MMD2: variants seen among roughly 807,000 people sequenced by gnomAD.
MMD2 encodes the protein monocyte to macrophage differentiation associated 2.
In MMD2, 30 loss-of-function variants were observed where a neutral mutation model predicts 33.5. The ratio of observed to expected loss-of-function variants is 0.90; its 90% CI spans 0.67 to 1.22. The LOEUF (loss-of-function observed/expected upper bound fraction) is 1.22. MMD2 is among the 50% of genes most tolerant of loss of function. The probability of loss-of-function intolerance (pLI) is 0.00; values close to 1 mark genes in which losing one functional copy is unlikely to be tolerated. For synonymous variants in MMD2, 129 were observed against 123.0 expected (o/e 1.05, Z -0.32); for missense variants, 364 against 325.4 (o/e 1.12, Z -0.91).
intron 1 of MMD2, among the ~76,000 whole-genome samples, chr7:4,944,760 C>CTTTTTTTTT (rs142716643): frequency 1.2e-3 from 91 of 75,304 alleles, no homozygotes; most frequent in Non-Finnish European, 1.5e-3. Flanking sequence ...TCTTCTTCTT[C>CTTTTTTTTT]TTTTTTTTTT....
At chr7:4,930,955 A>ATTCGC (rs1785569746) in intron 1 of MMD2, among the ~76,000 whole-genome samples, 1 of 151,876 alleles carries the variant, frequency 6.6e-6, no homozygotes, top group East Asian at 1.9e-4. Context: ...GGTTCAAGTG[A>ATTCGC]CTCGCCTGCC....
rs767763809 is a variant in MMD2 at position 4,909,798 on chromosome 7, G to C, written c.537+83C>G. 3.3e-6 allele frequency: 5 copies of C among 1,535,580 alleles called. No homozygotes were observed. In the East Asian group the frequency reaches 7.3e-5, roughly 23 times the overall value. The stretch of plus-strand genomic sequence containing the variant: ...CCCCGCCTGCCAAAGGAGAGGGTTT[G>C]TGACAATCTCAACAGCCAGGTCCAG... On this transcript the variant is annotated intron_variant, in intron 6 of 6. Transcript: ENST00000401401.
intron 1 of MMD2, among the ~76,000 whole-genome samples, chr7:4,935,173 G>A (rs377366662): frequency 1.3e-5 from 2 of 151,578 alleles, no homozygotes; most frequent in Non-Finnish European, 2.9e-5. Flanking sequence ...GAGACAGAGC[G>A]AGACTCTGCC....
chr7:4,926,150 T>C (rs1284444716), intron 1 of MMD2, among the ~76,000 whole-genome samples: 1 of 151,130 alleles, frequency 6.6e-6, no homozygotes, highest in Non-Finnish European at 1.5e-5. Context: ...CAGGCTGGAG[T>C]GCAGTGGTGC....
intron 1 of MMD2, among the ~76,000 whole-genome samples, chr7:4,928,005 G>A (rs1276817118): frequency 6.6e-6 from 1 of 152,168 alleles, no homozygotes; most frequent in African/African-American, 2.4e-5. Flanking sequence ...GCTGGGCAGG[G>A]AAGAGGCATC....
chr7:4,932,943 C>T (rs1034393599), intron 1 of MMD2, among the ~76,000 whole-genome samples: 8 of 151,832 alleles, frequency 5.3e-5, no homozygotes, highest in African/African-American at 1.9e-4. Flanking sequence ...TTGCCTTTTC[C>T]AAAATGTCAC....
chr7:4,909,777 G>C, intron 6 of MMD2, 104 bp downstream of exon 6: 1 of 1,482,734 alleles, frequency 6.7e-7, no homozygotes, highest in Admixed American at 2.0e-5. Context: ...CAGTTTCCCC[G>C]CCTGCCAAAG....
rs1186523775 is a variant in MMD2 at position 4,940,200 on chromosome 7, G to A, written c.48-14668C>T. On this transcript the variant is annotated intron_variant, in intron 1 of 6. Transcript: ENST00000401401. The surrounding 1 kb of genome is among the most constrained non-coding windows in gnomAD (Gnocchi z 5.0). ...TGTTGAGCATCCTGACCTGGGTGCA[G>A]GGTCCGGCACACCCCAGCTCCCCCG... is the stretch of plus-strand genomic sequence containing the variant. Among the ~76,000 whole-genome samples, 1 of 152,152 alleles carries A rather than the reference G, an allele frequency of 6.6e-6. No individual in the cohort carries two copies. Among genetic ancestry groups the A allele is most frequent in the African/African-American group, 2.4e-5 (1 of 41,448 alleles).
At chr7:4,926,333 A>G (rs780706453) in intron 1 of MMD2, among the ~76,000 whole-genome samples, 3 of 151,562 alleles carry the variant, frequency 2.0e-5, no homozygotes, top group African/African-American at 7.3e-5. Context: ...ACTCCAAGCG[A>G]TCCTCCCACC....
intron 1 of MMD2, among the ~76,000 whole-genome samples, chr7:4,958,460 C>G (rs1319658805): frequency 2.6e-5 from 4 of 152,120 alleles, no homozygotes. Context: ...TGCCTCCCCC[C>G]ACCGCACCCC....
At chr7:4,926,753 CT>C (rs369475675) in intron 1 of MMD2, among the ~76,000 whole-genome samples, 4 of 150,428 alleles carry the variant, frequency 2.7e-5, no homozygotes, top group Admixed American at 6.7e-5. Context: ...TTTCTTTTTT[CT>C]TTTTTTTTGA....
intron 6 of MMD2, among the ~76,000 whole-genome samples, chr7:4,909,280 G>A (rs748714285): frequency 4.4e-4 from 67 of 151,688 alleles, no homozygotes; most frequent in Non-Finnish European, 7.4e-4. Flanking sequence ...CCAGGAGATC[G>A]AGACCAGCCT....
In MMD2 at chr7:4,942,649, G is replaced by C. The variant is rs547222946; in HGVS notation, c.47+16322C>G. Among the ~76,000 whole-genome samples, 4 of 148,952 alleles carry C rather than the reference G, an allele frequency of 2.7e-5. No homozygotes were observed. In the South Asian group the frequency reaches 8.5e-4, roughly 32 times the overall value. The stretch of plus-strand genomic sequence containing the variant: ...TTTTTTGAGACAGAGTTTTGCTCTT[G>C]TTGCCCAGGCTGGAGTGCGATGGTG... On this transcript the variant is annotated intron_variant, in intron 1 of 6. Transcript: ENST00000401401.
At position 4,955,332 on chromosome 7, in the gene MMD2, A is replaced by T. The variant is rs549506892; in HGVS notation, c.47+3639T>A. ...GACCAGGTGGTTACTTACATCAAAG[A>T]CTCTAGGTTAGAACCTAGGGGGTTA... On this transcript the variant is annotated intron_variant, in intron 1 of 6. Transcript: ENST00000401401. 1.5e-3 allele frequency among the ~76,000 whole-genome samples: 221 copies of T among 152,234 alleles called. 1 individual carries two copies. The highest frequency in any genetic ancestry group is 5.0e-3 in the African/African-American group (206 of 41,530).
At chr7:4,922,855 A>G (rs559311859) in intron 2 of MMD2, among the ~76,000 whole-genome samples, 3 of 152,278 alleles carry the variant, frequency 2.0e-5, no homozygotes, top group African/African-American at 7.2e-5. Context: ...CAGGAATGAA[A>G]TGATACATGC....
At chr7:4,904,032 A>C (rs1784828429), downstream of MMD2, among the ~76,000 whole-genome samples, 1 of 152,094 alleles carries the variant, frequency 6.6e-6, no homozygotes, top group Admixed American at 6.6e-5. Context: ...TCCCGAGTTC[A>C]AGCGATTCTC....
intron 5 of MMD2, among the ~76,000 whole-genome samples, chr7:4,910,238 C>A (rs1162820384): frequency 1.3e-5 from 2 of 152,140 alleles, no homozygotes; most frequent in Admixed American, 6.6e-5. Context: ...ATAGCACACA[C>A]ATGGGCACTT....
intron 1 of MMD2, among the ~76,000 whole-genome samples, chr7:4,936,176 A>C (rs1186357763): frequency 6.8e-6 from 1 of 146,884 alleles, no homozygotes; most frequent in East Asian, 2.0e-4. Context: ...CGAGAATGAA[A>C]CTCTGTCTCA....
At chr7:4,931,118 C>T (rs796489316) in intron 1 of MMD2, among the ~76,000 whole-genome samples, 1 of 151,956 alleles carries the variant, frequency 6.6e-6, no homozygotes, top group Non-Finnish European at 1.5e-5. Context: ...CCTAAAGTGC[C>T]GGGGTTACAG....
Sources: allele counts gnomAD v4.1 joint callset (sites outside exome capture counted in the v4.1 genomes callset), GRCh38; gene constraint gnomAD v4.1.1; non-coding constraint Gnocchi (gnomAD v3.1); transcripts MANE v1.5; gene names NCBI Gene and HGNC (gene_info 2026-07-23, HGNC 2026-07-21).